The following RSRP1 variants were observed in gnomAD, a reference collection of about 807,000 sequenced individuals.
RSRP1 encodes the protein arginine/serine-rich protein 1.
RSRP1 carries 37 observed loss-of-function variants against 33.0 expected under a neutral mutation model. That is an observed-to-expected ratio of 1.12 (90% confidence interval 0.86 to 1.48). RSRP1 has a LOEUF of 1.48. RSRP1 is among the 40% of genes most tolerant of loss of function. The pLI is 0.00. For missense variants in RSRP1, 402 were observed against 385.3 expected (o/e 1.04, Z -0.36); for synonymous variants, 167 against 158.7 (o/e 1.05, Z -0.40).
intron 1 of RSRP1, among the ~76,000 whole-genome samples, chr1:25,322,589 C>T (rs543306416): frequency 7.6e-6 from 1 of 131,620 alleles, no homozygotes; most frequent in Admixed American, 7.4e-5. Context: ...AGGAGAATCA[C>T]TTGAACCTGG....
At chr1:25,280,026 G>C (rs1238819346) in intron 1 of RSRP1, among the ~76,000 whole-genome samples, 1 of 130,056 alleles carries the variant, frequency 7.7e-6, no homozygotes, top group East Asian at 2.0e-4. Flanking sequence ...TGGGCCTGGA[G>C]CCCAGGAGAA....
chr1:25,256,274 C>CCTACTGAGTA (rs1158411713), intron 1 of RSRP1, among the ~76,000 whole-genome samples: 1 of 151,948 alleles, frequency 6.6e-6, no homozygotes, highest in Non-Finnish European at 1.5e-5. Context: ...CCCGCCTCAG[C>CCTACTGAGTA]CTACTGAGTA....
chr1:25,337,057 AG>A (rs35416443), intron 1 of RSRP1: 2 of 170,004 alleles, frequency 1.2e-5, no homozygotes, highest in East Asian at 1.3e-4. Flanking sequence ...ACTGAAGTGA[AG>A]GGGGGTTCTG....
At position 25,290,180 on chromosome 1, in the gene RSRP1, G is replaced by A. The variant is rs1462097387; in HGVS notation, c.-66-43151C>T. Among the ~76,000 whole-genome samples the A allele has an allele frequency of 1.5e-5, 2 of 130,400 alleles. 1 individual carries two copies. The highest frequency in any genetic ancestry group is 3.6e-5 in the Non-Finnish European group (2 of 55,490). The allele number at this position is 130,400 out of a possible 152,430, so 85.5% of individuals were successfully genotyped here. On this transcript the variant is annotated intron_variant, in intron 1 of 1. Transcript: ENST00000561867. ...CCACTGCCACGGAGACGGAGAGAAG[G>A]GACAGTGGCCCCAGATGGGGATGGG...
At chr1:25,331,194 C>A (rs111801233) in intron 1 of RSRP1, among the ~76,000 whole-genome samples, 2,817 of 129,334 alleles carry the variant, frequency 0.022, 416 homozygotes, top group African/African-American at 0.07. Flanking sequence ...TCTCGAACTC[C>A]TGACCTTGTC....
chr1:25,310,319 C>T lies in RSRP1; in HGVS notation c.-67+27659G>A, dbSNP rs1276130303. Among the ~76,000 whole-genome samples the T allele has an allele frequency of 2.4e-4, 32 of 132,792 alleles. 4 individuals carry two copies. Among genetic ancestry groups the T allele is most frequent in the African/African-American group, 7.9e-4 (31 of 39,284 alleles). 87.1% of individuals were successfully genotyped at this position (132,792 alleles called of 152,430 possible). A position where few individuals can be genotyped will look rare whatever the true frequency, so the allele number is the denominator to read the frequency against. ...GGTCATGGGGTGAGGTATGATGGCACTGGTGACTTATAAGAAGAGAAAGAG... is the reference window on the plus strand; with the variant it reads ...GGTCATGGGGTGAGGTATGATGGCATTGGTGACTTATAAGAAGAGAAAGAG... On this transcript the variant is annotated intron_variant, in intron 1 of 1. Coordinates refer to the RSRP1 transcript ENST00000561867.
intron 1 of RSRP1, among the ~76,000 whole-genome samples, chr1:25,274,469 A>T (rs1323296501): frequency 1.5e-5 from 2 of 132,418 alleles, no homozygotes. Context: ...TAACGTAGGT[A>T]CAAAATGTCC....
intron 1 of RSRP1, chr1:25,272,568 G>A (rs754000039): frequency 8.8e-6 from 14 of 1,583,134 alleles, no homozygotes; most frequent in Non-Finnish European, 1.1e-5. Context: ...AGTACCCGCG[G>A]TCTGTCCGGC....
At position 25,306,937 on chromosome 1, in the gene RSRP1, C is replaced by G. The variant is rs1335713663; in HGVS notation, c.-67+31041G>C. ...ACCTCTCCAGGCCACCTCTTCTTTC[C>G]AAATAGGGCCACCTAGGTATAGACC... On this transcript the variant is annotated intron_variant, in intron 1 of 1. Transcript: ENST00000561867. The G allele has an allele frequency of 1.7e-4, 91 of 548,922 alleles. 16 individuals carry two copies. In the Admixed American group the frequency reaches 2.1e-3, roughly 13 times the overall value. The allele number at this position is 548,922 out of a possible 1,614,324, so 34.0% of individuals were successfully genotyped here.
Position 25,291,026 on chromosome 1 carries a change from G to T in RSRP1, c.-66-43997C>A, listed in dbSNP as rs1346075917. ...TATCCAGTTGTGGTGGCATGCACCT[G>T]TAGTCTCAGTTACTCAGGAGGCTGA... On this transcript the variant is annotated intron_variant, in intron 1 of 1. Coordinates refer to the RSRP1 transcript ENST00000561867. 1.5e-5 allele frequency among the ~76,000 whole-genome samples: 2 copies of T among 131,464 alleles called. 1 individual carries two copies. Among genetic ancestry groups the T allele is most frequent in the Non-Finnish European group, 3.6e-5 (2 of 55,624 alleles). 86.2% of individuals were successfully genotyped at this position (131,464 alleles called of 152,430 possible).
intron 1 of RSRP1, among the ~76,000 whole-genome samples, chr1:25,330,842 C>T (rs1288855029): frequency 1.5e-5 from 2 of 129,576 alleles, no homozygotes; most frequent in African/African-American, 5.3e-5. Context: ...TTCAAGGTGC[C>T]GGCAAGGTTG....
chr1:25,257,959 T>C lies in RSRP1; in HGVS notation c.-66-10930A>G, dbSNP rs534864624. ...CTTTGGGGAGCCATGAGTGTCAACA[T>C]CTACTTGTGAAGCAGCAGGATCCTC... On this transcript the variant is annotated intron_variant, in intron 1 of 1. Transcript: ENST00000561867. 9.9e-4 allele frequency among the ~76,000 whole-genome samples: 150 copies of C among 152,182 alleles called. 3 individuals are homozygous for C. The highest frequency in any genetic ancestry group is 9.8e-3 in the Admixed American group (149 of 15,276).
intron 1 of RSRP1, among the ~76,000 whole-genome samples, chr1:25,259,319 C>T (rs1335108419): frequency 6.6e-6 from 1 of 152,008 alleles, no homozygotes; most frequent in Admixed American, 6.6e-5. Context: ...TCTCAAACTC[C>T]TGACCTCAAG....
At chr1:25,318,034 A>G (rs571454114) in intron 1 of RSRP1, 1 of 131,728 alleles carries the variant, frequency 7.6e-6, no homozygotes, top group South Asian at 2.3e-4. Context: ...GCCAGGTGAA[A>G]ATATGTGGCT....
chr1:25,268,567 T>A (rs1640397627), intron 1 of RSRP1, among the ~76,000 whole-genome samples: 1 of 131,164 alleles, frequency 7.6e-6, no homozygotes, highest in African/African-American at 2.6e-5. Context: ...CAGATGCTAG[T>A]AAGTGCTGTG....
chr1:25,272,841 G>C (rs1486336375), intron 1 of RSRP1: 1 of 1,064,890 alleles, frequency 9.4e-7, no homozygotes, highest in Non-Finnish European at 1.4e-6. Context: ...AGATTGCACC[G>C]AAATTCAGCC....
intron 1 of RSRP1, among the ~76,000 whole-genome samples, chr1:25,257,191 G>C (rs1639975724): frequency 6.6e-6 from 1 of 152,180 alleles, no homozygotes. Flanking sequence ...TCCCAGACAG[G>C]TTTTCCTCCA....
chr1:25,308,395 T>C (rs1643960751), intron 1 of RSRP1, among the ~76,000 whole-genome samples: 2 of 117,400 alleles, frequency 1.7e-5, no homozygotes, highest in South Asian at 2.7e-4. Flanking sequence ...TATCAGTCCA[T>C]GTTTGAACAA....
At chr1:25,245,410 T>G in intron 2 of RSRP1, 109 bp from the exon 3 acceptor site, 1 of 1,366,166 alleles carries the variant, frequency 7.3e-7, no homozygotes, top group Non-Finnish European at 9.7e-7. Flanking sequence ...TTAAATATAT[T>G]AAGTCACTTG....
Sources: gnomAD v4.1 joint callset for allele counts (sites outside exome capture counted in the v4.1 genomes callset) on GRCh38, gnomAD v4.1.1 for gene constraint, MANE v1.5 for transcripts, NCBI Gene and HGNC (gene_info 2026-07-23, HGNC 2026-07-21) for gene names.